RBFOX1: variants seen among roughly 807,000 people sequenced by gnomAD.
RBFOX1 encodes RNA binding fox-1 homolog 1, also known as RNA binding protein fox-1 homolog 1.
In RBFOX1, 8 loss-of-function variants were observed where a neutral mutation model predicts 57.7. That is an observed-to-expected ratio of 0.14 (90% CI 0.08 to 0.25). The LOEUF (loss-of-function observed/expected upper bound fraction) is 0.25, where lower values mean the gene tolerates loss of function less well. Among genes scored for constraint, RBFOX1 ranks in the 10% least tolerant of loss-of-function variants. The pLI is 1.00. For synonymous variants in RBFOX1, 326 were observed against 222.4 expected, an observed-to-expected ratio of 1.47 and a Z score of -4.15; for missense variants, 611 against 548.5, an observed-to-expected ratio of 1.11 and a Z score of -1.14.
intron 1 of RBFOX1, among the ~76,000 whole-genome samples, chr16:6,028,028 A>T (rs7205233): frequency 0.92 from 139,592 of 152,258 alleles, 64,091 homozygotes; most frequent in African/African-American, 0.98. Flanking sequence ...TGATTCAGCA[A>T]CAGTAGCCCT....
intron 3 of RBFOX1, among the ~76,000 whole-genome samples, chr16:6,962,242 C>G (rs2083179197): frequency 6.6e-6 from 1 of 152,078 alleles, no homozygotes; most frequent in South Asian, 2.1e-4. Flanking sequence ...AGGTGTGTGT[C>G]AGACCTCCCT....
intron 2 of RBFOX1, among the ~76,000 whole-genome samples, chr16:6,490,546 A>G (rs986749002): frequency 6.6e-6 from 1 of 152,224 alleles, no homozygotes; most frequent in African/African-American, 2.4e-5. Flanking sequence ...AGGCATAGGT[A>G]TCTGCTTACT....
intron 4 of RBFOX1, among the ~76,000 whole-genome samples, chr16:7,139,333 G>C (rs2073003840): frequency 6.6e-6 from 1 of 152,046 alleles, no homozygotes; most frequent in Non-Finnish European, 1.5e-5. Flanking sequence ...TTTTGGAAAA[G>C]CAAAAGCTTC....
intron 4 of RBFOX1, among the ~76,000 whole-genome samples, chr16:7,073,656 C>T (rs372225544): frequency 7.2e-5 from 11 of 151,840 alleles, no homozygotes; most frequent in African/African-American, 2.7e-4. Context: ...CCGGCCTGGG[C>T]ACCATGGCAA....
intron 4 of RBFOX1, among the ~76,000 whole-genome samples, chr16:7,089,064 C>G (rs549032038): frequency 6.6e-6 from 1 of 152,280 alleles, no homozygotes; most frequent in African/African-American, 2.4e-5. Context: ...CCTCAGTGAG[C>G]CTTGTCATTT....
chr16:7,024,877 G>T (rs1468205377), intron 3 of RBFOX1, among the ~76,000 whole-genome samples: 1 of 152,112 alleles, frequency 6.6e-6, no homozygotes, highest in Non-Finnish European at 1.5e-5. Context: ...ACTACAGATG[G>T]AAGGGCCTTA....
chr16:6,782,718 T>A (rs950427456), intron 3 of RBFOX1, among the ~76,000 whole-genome samples: 4 of 152,296 alleles, frequency 2.6e-5, no homozygotes, highest in African/African-American at 7.2e-5. Flanking sequence ...TCGAATGAAA[T>A]GTTTTGTAAA....
intron 1 of RBFOX1, among the ~76,000 whole-genome samples, chr16:6,171,489 C>T (rs1385204151): frequency 3.3e-5 from 5 of 152,314 alleles, no homozygotes; most frequent in East Asian, 3.9e-4. Context: ...AATTTAGACA[C>T]ATTCCTGGAG....
chr16:6,705,900 C>G (rs2062653899), intron 3 of RBFOX1, among the ~76,000 whole-genome samples: 1 of 152,086 alleles, frequency 6.6e-6, no homozygotes. Context: ...TGTCTCTAGT[C>G]CCAACTACTC....
intron 2 of RBFOX1, among the ~76,000 whole-genome samples, chr16:6,594,282 A>G (rs1277093445): frequency 6.6e-6 from 1 of 152,234 alleles, no homozygotes; most frequent in Non-Finnish European, 1.5e-5. Context: ...TAACAGAACC[A>G]TCTAGACAGC....
chr16:7,621,028 C>T (rs2059237803), intron 10 of RBFOX1, among the ~76,000 whole-genome samples: 1 of 152,040 alleles, frequency 6.6e-6, no homozygotes, highest in Non-Finnish European at 1.5e-5. Context: ...ATGAGAAATG[C>T]AGAGTCTCAG....
intron 2 of RBFOX1, among the ~76,000 whole-genome samples, chr16:5,498,212 G>A (rs1567164289): frequency 6.6e-6 from 1 of 152,070 alleles, no homozygotes; most frequent in Admixed American, 6.6e-5. Flanking sequence ...GCGGGATCTC[G>A]GCCCACTGCA....
At chr16:7,395,597 A>T in intron 4 of RBFOX1, among the ~76,000 whole-genome samples, 1 of 152,170 alleles carries the variant, frequency 6.6e-6, no homozygotes. Flanking sequence ...AAAGCTTATT[A>T]CCTTTGTTGT....
At chr16:6,611,140 T>C (rs1288356060) in intron 2 of RBFOX1, among the ~76,000 whole-genome samples, 1 of 152,028 alleles carries the variant, frequency 6.6e-6, no homozygotes, top group African/African-American at 2.4e-5. Context: ...GTAATAGTCT[T>C]TGTGTAGTTA....
At chr16:7,053,715 T>C (rs1265867494) in intron 4 of RBFOX1, among the ~76,000 whole-genome samples, 2 of 152,170 alleles carry the variant, frequency 1.3e-5, no homozygotes, top group Non-Finnish European at 2.9e-5. Context: ...AATGGAGTCT[T>C]CCCCTCTCTG....
At chr16:5,980,988 A>G (rs1037335630) in intron 4 of RBFOX1, among the ~76,000 whole-genome samples, 1 of 152,076 alleles carries the variant, frequency 6.6e-6, no homozygotes, top group East Asian at 1.9e-4. Context: ...CGATCTGCAG[A>G]CCCACAGCCT....
intron 4 of RBFOX1, among the ~76,000 whole-genome samples, chr16:5,909,156 G>A (rs564711127): frequency 4.2e-5 from 6 of 141,692 alleles, no homozygotes; most frequent in Admixed American, 2.3e-4. Flanking sequence ...GCAGTGGTGC[G>A]GTCTGGGCTC....
chr16:7,518,893 C>A (rs1369015973), intron 5 of RBFOX1, among the ~76,000 whole-genome samples: 1 of 152,072 alleles, frequency 6.6e-6, no homozygotes, highest in Non-Finnish European at 1.5e-5. Context: ...TGTCATGGTG[C>A]ATGCCTGTAG....
At chr16:6,088,804 A>C (rs978336037) in intron 1 of RBFOX1, among the ~76,000 whole-genome samples, 3 of 152,136 alleles carry the variant, frequency 2.0e-5, no homozygotes, top group Non-Finnish European at 4.4e-5. Context: ...CCTCAAAAAG[A>C]TCTATGATCC....
Sources: allele counts gnomAD v4.1 joint callset (sites outside exome capture counted in the v4.1 genomes callset), GRCh38; gene constraint gnomAD v4.1.1; transcripts MANE v1.5; gene names NCBI Gene and HGNC (gene_info 2026-07-23, HGNC 2026-07-21).